The following NOTCH2 variants were observed in gnomAD, a reference collection of about 807,000 sequenced individuals.
NOTCH2 encodes the protein neurogenic locus notch homolog protein 2.
A neutral mutation model predicts 235.8 loss-of-function variants in NOTCH2; 29 were observed. The observed-to-expected ratio is 0.12, with a 90% CI of 0.09 to 0.17. NOTCH2 has a LOEUF of 0.17. Ranked by LOEUF, NOTCH2 falls within the 10% of genes least tolerant of loss-of-function variation. The probability of loss-of-function intolerance (pLI) is 1.00; values close to 1 mark genes in which losing one functional copy is unlikely to be tolerated. For synonymous variants in NOTCH2, 1,086 were observed against 1,141.5 expected, an observed-to-expected ratio of 0.95 and a Z score of 0.98; for missense variants, 2,285 against 3,150.2, an observed-to-expected ratio of 0.73 and a Z score of 6.57.
intron 1 of NOTCH2, among the ~76,000 whole-genome samples, chr1:120,064,640 C>G (rs1253856104): frequency 4.7e-5 from 7 of 149,024 alleles, no homozygotes; most frequent in Non-Finnish European, 1.0e-4. Flanking sequence ...CCTCAAGGAT[C>G]AAAATCATGT....
At position 120,005,379 on chromosome 1, in the gene NOTCH2, T is replaced by C. The variant is rs782587994; in HGVS notation, c.365A>G (p.His122Arg). 3.1e-6 allele frequency: 5 copies of C among 1,614,046 alleles called. No individual in the cohort carries two copies. In the South Asian group the frequency reaches 3.3e-5, roughly 11 times the overall value. ...CTCATAGGTATCCCGGCTGAGCATA[T>C]GGCATGTGCCGCCATTCAGGCAGGG... ...SRPCLNGGTC[H>R]MLSRDTYECT... Residue 122 changes from histidine (H) to arginine (R), a missense_variant, in exon 3 of 34, where the codon CAT becomes CGT. By Grantham distance (29) the His-to-Arg change is conservative. Around this residue, in one of 6 missense-constraint regions of NOTCH2, gnomAD observed 431 missense variants for 757.8 expected, o/e 0.57. Transcript: ENST00000256646.
Position 120,005,597 on chromosome 1 carries a change from A to C in NOTCH2, c.156-9T>G. On this transcript the variant is annotated splice_polypyrimidine_tract_variant and intron_variant, in intron 2 of 33. Coordinates refer to ENST00000256646, the MANE Select transcript of NOTCH2 (RefSeq NM_024408.4). ...AGAAGCCTTCTGGACATCTGTATGG[A>C]AAAGAGAAGAGTCCATGAAAACACC... The C allele has an allele frequency of 6.6e-7, 1 of 1,515,004 alleles. No individual in the cohort carries two copies. The highest frequency in any genetic ancestry group is 1.8e-4 in the Middle Eastern group (1 of 5,706). The allele number at this position is 1,515,004 out of a possible 1,614,324, so 93.8% of individuals were successfully genotyped here. A position where few individuals can be genotyped will look rare whatever the true frequency, so the allele number is the denominator to read the frequency against.
rs1324127494 is a variant in NOTCH2, at chr1:119,912,549, T to G, written c.*2757A>C. On this transcript the variant is annotated 3_prime_UTR_variant, in exon 34 of 34. Coordinates refer to ENST00000256646, the MANE Select transcript of NOTCH2 (RefSeq NM_024408.4). Reference sequence around the variant, plus strand: ...CCCTTCCCCACCTCACATAAGAAAATGATGCTTAAAACAAAACAGAGGAAG... The same window carrying G: ...CCCTTCCCCACCTCACATAAGAAAAGGATGCTTAAAACAAAACAGAGGAAG... 1 of 232,584 alleles carries G rather than the reference T, an allele frequency of 4.3e-6. No homozygotes were observed. The highest frequency in any genetic ancestry group is 1.2e-3 in the Middle Eastern group (1 of 806). The allele number at this position is 232,584 out of a possible 1,614,324, so 14.4% of individuals were successfully genotyped here.
At chr1:119,929,248 T>C (rs782507423) in intron 22 of NOTCH2, 36 bp from the exon 23 acceptor site, 2 of 1,571,980 alleles carry the variant, frequency 1.3e-6, no homozygotes, top group East Asian at 4.5e-5. Context: ...ATTATGAAAA[T>C]CCTTTTAACC....
chr1:119,981,227 C>T (rs1321845008), intron 5 of NOTCH2, among the ~76,000 whole-genome samples: 1 of 152,156 alleles, frequency 6.6e-6, no homozygotes, highest in Non-Finnish European at 1.5e-5. Flanking sequence ...TCACTCTTCT[C>T]GATCACCTTC....
At chr1:120,063,785 C>A (rs1412794670) in intron 1 of NOTCH2, among the ~76,000 whole-genome samples, 2 of 152,220 alleles carry the variant, frequency 1.3e-5, no homozygotes, top group Non-Finnish European at 2.9e-5. Context: ...CTTGAACACA[C>A]AAATTCCCAG....
At chr1:119,984,102 G>C (rs587772520) in intron 5 of NOTCH2, among the ~76,000 whole-genome samples, 2 of 152,244 alleles carry the variant, frequency 1.3e-5, no homozygotes, top group African/African-American at 2.4e-5. Context: ...AAAAGCATCA[G>C]ACTGAATCTA....
rs200524116 is a variant in NOTCH2 at position 119,949,028 on chromosome 1, A to G, written c.2578T>C (p.Leu860=). 9.9e-6 allele frequency: 16 copies of G among 1,614,258 alleles called. No individual in the cohort carries two copies. The Admixed American group carries it at 2.0e-4, about 20-fold the overall frequency. ...ESPNFESYTC[L]CAPGWQGQRC... ...TTACCTTGCCAGCCAGGAGCACACA[A>G]GCAAGTATAACTCTCAAAATTTGGT... is the stretch of plus-strand genomic sequence containing the variant. Residue 860 remains leucine, a synonymous_variant, in exon 16 of 34, where the codon TTG becomes CTG. Coordinates refer to ENST00000256646, the MANE Select transcript of NOTCH2 (RefSeq NM_024408.4).
chr1:119,917,036 AAGGAGTTAGAAATAAGAAAGGTAGGAAT>A (rs1308731178), intron 33 of NOTCH2, among the ~76,000 whole-genome samples: 2 of 152,182 alleles, frequency 1.3e-5, no homozygotes, highest in African/African-American at 2.4e-5. Context: ...GGTTAAGGAA[AAGGAGTTAGAAATAAGAAAGGTAGGAAT>A]AGGAGTTAGA....
At chr1:119,927,466 C>T (rs1649513372) in intron 23 of NOTCH2, among the ~76,000 whole-genome samples, 1 of 152,200 alleles carries the variant, frequency 6.6e-6, no homozygotes, top group South Asian at 2.1e-4. Flanking sequence ...ACCACCAGTC[C>T]CTTGCTGTTT....
At chr1:119,948,765 A>C (rs1370724107) in intron 16 of NOTCH2, among the ~76,000 whole-genome samples, 199 bp from the exon 17 acceptor site, 3 of 152,136 alleles carry the variant, frequency 2.0e-5, no homozygotes, top group African/African-American at 7.2e-5. Context: ...TGAAGAATGA[A>C]CATCATGGCT....
intron 30 of NOTCH2, among the ~76,000 whole-genome samples, chr1:119,919,853 T>C (rs587614299): frequency 6.6e-6 from 1 of 152,344 alleles, no homozygotes; most frequent in South Asian, 2.1e-4. Context: ...AACACGTTTT[T>C]CTGTTCAAGT....
At chr1:119,988,007 C>T (rs1553202436) in intron 4 of NOTCH2, among the ~76,000 whole-genome samples, 1 of 152,154 alleles carries the variant, frequency 6.6e-6, no homozygotes, top group African/African-American at 2.4e-5. Context: ...AGACTACCAG[C>T]TTCTATTCTA....
intron 17 of NOTCH2, among the ~76,000 whole-genome samples, chr1:119,944,113 T>A (rs1650168358): frequency 6.6e-6 from 1 of 152,094 alleles, no homozygotes; most frequent in Admixed American, 6.6e-5. Context: ...ATGAACATTA[T>A]AAAAGGGAGA....
At chr1:119,930,473 A>G (rs782480585) in intron 22 of NOTCH2, among the ~76,000 whole-genome samples, 10 of 151,582 alleles carry the variant, frequency 6.6e-5, no homozygotes, top group Non-Finnish European at 1.5e-4. Flanking sequence ...TTATTCTATG[A>G]TTAATTCAAA....
intron 5 of NOTCH2, among the ~76,000 whole-genome samples, chr1:119,984,920 C>T (rs919980581): frequency 4.6e-5 from 7 of 152,096 alleles, no homozygotes; most frequent in African/African-American, 1.7e-4. Context: ...ACCACTTGAT[C>T]TGAGTCAGGC....
At chr1:119,918,339 A>T in intron 32 of NOTCH2, 67 bp downstream of exon 32, 1 of 1,571,686 alleles carries the variant, frequency 6.4e-7, no homozygotes, top group Non-Finnish European at 8.7e-7. Flanking sequence ...GGGTCACGTA[A>T]CTCTATTCCC....
intron 1 of NOTCH2, among the ~76,000 whole-genome samples, chr1:120,039,448 G>A (rs371995051): frequency 9.2e-5 from 13 of 141,770 alleles, no homozygotes; most frequent in African/African-American, 3.0e-4. Context: ...TCGCTCTGTC[G>A]CCCAGGCTGG....
chr1:119,949,379 A>ATT (rs1650377658), intron 15 of NOTCH2, among the ~76,000 whole-genome samples: 1 of 124,348 alleles, frequency 8.0e-6, no homozygotes. Context: ...CTACACTACT[A>ATT]TTTCTTTTTT....
Sources: allele counts gnomAD v4.1 joint callset (sites outside exome capture counted in the v4.1 genomes callset), GRCh38; gene constraint gnomAD v4.1.1; regional missense constraint gnomAD v4.1.1; transcripts MANE v1.5; gene names NCBI Gene and HGNC (gene_info 2026-07-23, HGNC 2026-07-21).